The following EPHA6 variants were observed in gnomAD, a reference collection of about 807,000 sequenced individuals.
EPHA6 encodes the protein EPH receptor A6, also known as ephrin type-A receptor 6.
Under a neutral mutation model 112.0 loss-of-function variants are expected in EPHA6, and 50 were observed. That is an observed-to-expected ratio of 0.45 (90% confidence interval 0.36 to 0.56). The LOEUF (loss-of-function observed/expected upper bound fraction) is 0.56, where lower values mean the gene tolerates loss of function less well. EPHA6 is among the 20% of genes least tolerant of loss of function. EPHA6 has a pLI of 0.00. For missense variants in EPHA6, 1,280 were observed against 1,417.4 expected (o/e 0.90, Z 1.56); for synonymous variants, 529 against 490.7 (o/e 1.08, Z -1.03).
chr3:97,661,974 TC>T (rs1034494918), intron 14 of EPHA6, among the ~76,000 whole-genome samples: 1 of 152,166 alleles, frequency 6.6e-6, no homozygotes, highest in Non-Finnish European at 1.5e-5. Flanking sequence ...AAAGTATCCC[TC>T]TTCCCCCAGT....
At chr3:97,256,358 G>A (rs912604618) in intron 5 of EPHA6, among the ~76,000 whole-genome samples, 11 of 152,020 alleles carry the variant, frequency 7.2e-5, no homozygotes, top group Non-Finnish European at 1.5e-4. Flanking sequence ...ACCACAGGCA[G>A]AGTATGGGAA....
At chr3:97,477,705 G>T (rs1007475272) in intron 8 of EPHA6, among the ~76,000 whole-genome samples, 2 of 152,104 alleles carry the variant, frequency 1.3e-5, no homozygotes, top group Non-Finnish European at 2.9e-5. Flanking sequence ...AAACCTTACT[G>T]TATATTCCTT....
chr3:97,324,479 C>CTTTTTTT (rs2082313681), intron 5 of EPHA6, among the ~76,000 whole-genome samples: 1 of 49,968 alleles, frequency 2.0e-5, no homozygotes, highest in Admixed American at 2.2e-4. Context: ...CTTTTTCTTT[C>CTTTTTTT]GTCTCTTTCT....
At chr3:96,819,625 A>G (rs957180646) in intron 1 of EPHA6, among the ~76,000 whole-genome samples, 4 of 152,104 alleles carry the variant, frequency 2.6e-5, no homozygotes, top group African/African-American at 9.7e-5. Context: ...ATCAATATAT[A>G]TAGTTAGGTG....
chr3:96,863,217 T>A (rs959788064), intron 1 of EPHA6, among the ~76,000 whole-genome samples: 1 of 151,976 alleles, frequency 6.6e-6, no homozygotes, highest in Admixed American at 6.6e-5. Flanking sequence ...TGGAAAAGTA[T>A]TGGCTTTTTT....
intron 3 of EPHA6, among the ~76,000 whole-genome samples, chr3:97,088,956 A>G (rs1284497238): frequency 6.6e-6 from 1 of 152,166 alleles, no homozygotes; most frequent in East Asian, 1.9e-4. Context: ...TTCTAAGGGC[A>G]GCATTCAGTA....
At chr3:97,375,901 T>C (rs2085321026) in intron 5 of EPHA6, among the ~76,000 whole-genome samples, 1 of 152,066 alleles carries the variant, frequency 6.6e-6, no homozygotes, top group Non-Finnish European at 1.5e-5. Context: ...AAAGAAAGCA[T>C]GTATGGGGAC....
At chr3:97,508,357 A>G (rs553401592) in intron 10 of EPHA6, among the ~76,000 whole-genome samples, 1 of 152,030 alleles carries the variant, frequency 6.6e-6, no homozygotes, top group African/African-American at 2.4e-5. Context: ...ATTCTGGTAC[A>G]TTGTGTCTTT....
At chr3:96,933,869 AT>A (rs1232313023) in intron 2 of EPHA6, among the ~76,000 whole-genome samples, 1 of 152,092 alleles carries the variant, frequency 6.6e-6, no homozygotes, top group African/African-American at 2.4e-5. Flanking sequence ...CATGATGATT[AT>A]CCTGTTGTGT....
chr3:97,210,210 AG>A (rs1400822310), intron 3 of EPHA6, among the ~76,000 whole-genome samples: 1 of 152,176 alleles, frequency 6.6e-6, no homozygotes, highest in Non-Finnish European at 1.5e-5. Context: ...TAATTTATAA[AG>A]AAAAAATGTT....
At chr3:97,655,171 GTTT>G (rs1365082767) in intron 14 of EPHA6, among the ~76,000 whole-genome samples, 1 of 149,604 alleles carries the variant, frequency 6.7e-6, no homozygotes, top group South Asian at 2.1e-4. Context: ...ATGTTTTGGG[GTTT>G]TTTGTTTCTC....
intron 5 of EPHA6, among the ~76,000 whole-genome samples, chr3:97,347,931 G>A (rs1161763334): frequency 1.3e-5 from 2 of 151,898 alleles, no homozygotes; most frequent in Non-Finnish European, 2.9e-5. Context: ...AACATCTAGA[G>A]TTAATTTACT....
intron 5 of EPHA6, among the ~76,000 whole-genome samples, chr3:97,359,970 G>C (rs756532872): frequency 6.6e-5 from 10 of 151,890 alleles, no homozygotes; most frequent in Non-Finnish European, 1.5e-4. Flanking sequence ...GGAGGAAAAA[G>C]AAAAAAATAA....
At chr3:97,710,252 C>T (rs2033897880) in intron 14 of EPHA6, among the ~76,000 whole-genome samples, 1 of 152,062 alleles carries the variant, frequency 6.6e-6, no homozygotes, top group East Asian at 1.9e-4. Context: ...AGTAGCTGAC[C>T]CCAAACAGAC....
At chr3:97,096,980 T>A (rs2047258835) in intron 3 of EPHA6, among the ~76,000 whole-genome samples, 1 of 151,676 alleles carries the variant, frequency 6.6e-6, no homozygotes, top group South Asian at 2.1e-4. Context: ...AGTTTATGAG[T>A]TCGTAAACAT....
intron 14 of EPHA6, among the ~76,000 whole-genome samples, chr3:97,682,068 C>T (rs1306054440): frequency 1.3e-5 from 2 of 152,086 alleles, no homozygotes; most frequent in African/African-American, 4.8e-5. Context: ...CAGCATCACA[C>T]AGTGACTTTT....
At chr3:97,593,610 G>A (rs1011373308) in intron 12 of EPHA6, among the ~76,000 whole-genome samples, 1 of 152,090 alleles carries the variant, frequency 6.6e-6, no homozygotes, top group Admixed American at 6.5e-5. Flanking sequence ...CAATGTAATG[G>A]GAACACTTCA....
intron 7 of EPHA6, among the ~76,000 whole-genome samples, chr3:97,462,512 C>A (rs961320225): frequency 6.6e-6 from 1 of 152,134 alleles, no homozygotes; most frequent in East Asian, 1.9e-4. Context: ...TAGCCACCTA[C>A]TCCACTACAA....
At chr3:97,279,045 T>G (rs1214601704) in intron 5 of EPHA6, among the ~76,000 whole-genome samples, 1 of 152,166 alleles carries the variant, frequency 6.6e-6, no homozygotes, top group Non-Finnish European at 1.5e-5. Flanking sequence ...TTCACAACAA[T>G]TATAATCTAT....
Sources: allele counts gnomAD v4.1 joint callset (sites outside exome capture counted in the v4.1 genomes callset), GRCh38; gene constraint gnomAD v4.1.1; transcripts MANE v1.5; gene names NCBI Gene and HGNC (gene_info 2026-07-23, HGNC 2026-07-21).